GAREM1: variants seen among roughly 807,000 people sequenced by gnomAD.
GAREM1 encodes the protein GRB2 associated regulator of MAPK1 subtype 1.
In GAREM1, 26 loss-of-function variants were observed where a neutral mutation model predicts 71.3. The observed-to-expected ratio is 0.36, with a 90% CI of 0.27 to 0.51. The LOEUF is 0.51. GAREM1 is among the 20% of genes least tolerant of loss of function. The pLI is 0.95. For missense variants in GAREM1, 1,026 were observed against 1,103.1 expected (o/e 0.93, Z 0.99); for synonymous variants, 440 against 433.2 (o/e 1.02, Z -0.20).
chr18:32,366,784 A>G (rs994102286), intron 2 of GAREM1, among the ~76,000 whole-genome samples: 5 of 152,212 alleles, frequency 3.3e-5, no homozygotes, highest in African/African-American at 9.6e-5. Context: ...ACATACCAAA[A>G]CTGGGTTGGC....
At chr18:32,393,564 G>C (rs1244081404) in intron 1 of GAREM1, among the ~76,000 whole-genome samples, 1 of 152,078 alleles carries the variant, frequency 6.6e-6, no homozygotes, top group African/African-American at 2.4e-5. Flanking sequence ...CCACAATAAA[G>C]CTACAAAAAT....
At chr18:32,437,091 A>G (rs911600021) in intron 1 of GAREM1, among the ~76,000 whole-genome samples, 3 of 152,216 alleles carry the variant, frequency 2.0e-5, no homozygotes, top group African/African-American at 7.2e-5. Context: ...CACTATAATG[A>G]CATACAATCA....
chr18:32,408,099 T>A (rs1381943036), intron 1 of GAREM1, among the ~76,000 whole-genome samples: 1 of 152,128 alleles, frequency 6.6e-6, no homozygotes, highest in East Asian at 1.9e-4. Context: ...TTTTCCAACT[T>A]CAAAATAATT....
chr18:32,328,909 A>G (rs1467817498), intron 2 of GAREM1, among the ~76,000 whole-genome samples: 2 of 152,210 alleles, frequency 1.3e-5, no homozygotes, highest in Admixed American at 1.3e-4. Context: ...CGGAAAAGAG[A>G]CTGATGATAA....
chr18:32,392,901 A>C lies in GAREM1; in HGVS notation c.256T>G (p.Tyr86Asp). The change falls in exon 2 of 6, where the codon TAT becomes GAT. Residue 86 changes from tyrosine (Y) to aspartate (D), a missense_variant. Tyr to Asp is a radical substitution (Grantham distance 160). This residue lies in a region of GAREM1 where 172 missense variants were observed against 175.2 expected (regional missense o/e 0.98). Coordinates refer to ENST00000269209, the MANE Select transcript of GAREM1 (RefSeq NM_001242409.2). ...IGPKIEIPVHYAGQFKLLEQD... is the reference protein window; with the variant it reads ...IGPKIEIPVHDAGQFKLLEQD... ...GCCCTTGGAGGAGTCTTACCTGCAT[A>C]ATGTACCGGAATCTCTATCTTTGGC... 6.2e-7 allele frequency: 1 copy of C among 1,613,680 alleles called. No homozygotes were observed. The highest frequency in any genetic ancestry group is 8.5e-7 in the Non-Finnish European group (1 of 1,179,770).
intron 1 of GAREM1, among the ~76,000 whole-genome samples, chr18:32,469,217 T>C (rs2049026881): frequency 6.6e-6 from 1 of 152,138 alleles, no homozygotes; most frequent in African/African-American, 2.4e-5. Flanking sequence ...TGTATACATC[T>C]CACGTTACCC....
At chr18:32,337,392 A>G (rs766172619) in intron 2 of GAREM1, among the ~76,000 whole-genome samples, 9 of 152,230 alleles carry the variant, frequency 5.9e-5, no homozygotes, top group Non-Finnish European at 1.2e-4. Context: ...ATATGTACGT[A>G]AGTGGGGTGA....
At chr18:32,464,249 C>T (rs1485487979) in intron 1 of GAREM1, among the ~76,000 whole-genome samples, 3 of 152,000 alleles carry the variant, frequency 2.0e-5, no homozygotes, top group African/African-American at 7.2e-5. Flanking sequence ...CAAGATTGAG[C>T]CACTGCACTC....
chr18:32,457,224 A>ATGTGTAT (rs1555648700), intron 1 of GAREM1, among the ~76,000 whole-genome samples: 1 of 107,362 alleles, frequency 9.3e-6, no homozygotes, highest in Non-Finnish European at 1.9e-5. Flanking sequence ...AGAGAGAGAG[A>ATGTGTAT]GAGTGTGTGT....
chr18:32,431,051 A>G (rs2144257365), intron 1 of GAREM1, among the ~76,000 whole-genome samples: 1 of 152,208 alleles, frequency 6.6e-6, no homozygotes, highest in East Asian at 1.9e-4. Context: ...GGATCTGACC[A>G]TAAACAACTC....
At chr18:32,363,213 A>G (rs79991317) in intron 2 of GAREM1, among the ~76,000 whole-genome samples, 1 of 116,824 alleles carries the variant, frequency 8.6e-6, no homozygotes, top group Non-Finnish European at 1.7e-5. Context: ...GTCTCAAGGC[A>G]AAAAAAAAAA....
At chr18:32,393,744 G>A (rs946625339) in intron 1 of GAREM1, among the ~76,000 whole-genome samples, 2 of 152,078 alleles carry the variant, frequency 1.3e-5, no homozygotes, top group Non-Finnish European at 2.9e-5. Flanking sequence ...ATTTTCTGAA[G>A]TATCTTTTCG....
At chr18:32,428,256 G>A (rs1319523174) in intron 1 of GAREM1, among the ~76,000 whole-genome samples, 17 of 152,196 alleles carry the variant, frequency 1.1e-4, no homozygotes, top group Non-Finnish European at 2.2e-4. Flanking sequence ...ACTTAAACAT[G>A]GTATTGTAAG....
At chr18:32,338,538 G>C (rs1053744565) in intron 2 of GAREM1, among the ~76,000 whole-genome samples, 1 of 152,100 alleles carries the variant, frequency 6.6e-6, no homozygotes, top group South Asian at 2.1e-4. Flanking sequence ...CAAACTGTGA[G>C]ACAAAATGAA....
intron 1 of GAREM1, among the ~76,000 whole-genome samples, chr18:32,395,211 C>T (rs2048239577): frequency 6.6e-6 from 1 of 152,148 alleles, no homozygotes; most frequent in African/African-American, 2.4e-5. Flanking sequence ...ATGTCTCTTA[C>T]CTTGAAAAAC....
rs2048821220 is a variant in GAREM1, at chr18:32,450,116, T to C, written c.121+20192A>G. Among the ~76,000 whole-genome samples the C allele has an allele frequency of 2.0e-5, 3 of 152,348 alleles. No individual in the cohort carries two copies. The South Asian group carries it at 6.2e-4, about 32-fold the overall frequency. On this transcript the variant is annotated intron_variant, in intron 1 of 5. Transcript: ENST00000269209. ...AAGGTTAAGTTAATATCTTGCTGTC[T>C]GTGGCACAACCAGTCAGAAAATTTT...
Position 32,310,259 on chromosome 18 carries a change from C to T in GAREM1, c.327G>A (p.Val109=). 1 of 1,614,040 alleles carries T rather than the reference C, an allele frequency of 6.2e-7. No individual in the cohort carries two copies. Among genetic ancestry groups the T allele is most frequent in the Non-Finnish European group, 8.5e-7 (1 of 1,179,968 alleles). The change falls in exon 3 of 6, where the codon GTG becomes GTA. Residue 109 remains valine (V), a synonymous_variant. Transcript: ENST00000269209. The stretch of plus-strand genomic sequence containing the variant: ...CAGGAAATGCCTTAGCCACCTCCTC[C>T]ACACTGTTGAAATATTGCACTGGCT... ...IKEPVQYFNS[V]EEVAKAFPER... is the part of the protein sequence containing the mutation.
At chr18:32,417,027 A>T (rs7236278) in intron 1 of GAREM1, among the ~76,000 whole-genome samples, 366 of 152,320 alleles carry the variant, frequency 2.4e-3, no homozygotes, top group Middle Eastern at 0.01. Flanking sequence ...TATAGGAAAA[A>T]AATCTAGTAA....
At chr18:32,463,628 G>T (rs1425017330) in intron 1 of GAREM1, among the ~76,000 whole-genome samples, 2 of 145,696 alleles carry the variant, frequency 1.4e-5, no homozygotes, top group Admixed American at 7.0e-5. Context: ...GGGGTGCAGT[G>T]ATGTGATCTC....
Sources: allele counts gnomAD v4.1 joint callset (sites outside exome capture counted in the v4.1 genomes callset), GRCh38; gene constraint gnomAD v4.1.1; regional missense constraint gnomAD v4.1.1; transcripts MANE v1.5; gene names NCBI Gene and HGNC (gene_info 2026-07-23, HGNC 2026-07-21).